The following OTOG variants were observed in gnomAD, a reference collection of about 807,000 sequenced individuals.
OTOG encodes the protein otogelin.
OTOG carries 296 observed loss-of-function variants against 313.8 expected under a neutral mutation model. That is an observed-to-expected ratio of 0.94 (90% confidence interval 0.86 to 1.04). The LOEUF (loss-of-function observed/expected upper bound fraction) is 1.04, where lower values mean the gene tolerates loss of function less well. Among genes scored for constraint, OTOG ranks in the 50% least tolerant of loss-of-function variants. The pLI is 0.00. For synonymous variants in OTOG, 1,533 were observed against 1,554.9 expected (o/e 0.99, Z 0.33); for missense variants, 3,948 against 3,840.1 (o/e 1.03, Z -0.74).
Position 17,552,009 on chromosome 11 carries a change from G to GC in OTOG, c.230dup (p.Asp78ArgfsTer38). On this transcript the variant is annotated frameshift_variant, in exon 4 of 56. Coordinates refer to ENST00000399397, the MANE Select transcript of OTOG (RefSeq NM_001292063.2). LOFTEE classifies it high-confidence loss of function. ...CTCCTGTCTTCACAAGCAGGCTGAA[G>GC]CCCCAGACTCCGTGGCCATGTCTTC... 6.4e-7 allele frequency: 1 copy of GC among 1,550,500 alleles called. No homozygotes were observed. The highest frequency in any genetic ancestry group is 2.0e-5 in the Admixed American group (1 of 51,004).
chr11:17,582,677 A>G (rs1852698393), intron 23 of OTOG, among the ~76,000 whole-genome samples: 1 of 152,230 alleles, frequency 6.6e-6, no homozygotes, highest in African/African-American at 2.4e-5. Flanking sequence ...ACATGGTCCT[A>G]TCTCATTATG....
At chr11:17,625,467 TA>T (rs1214123997) in intron 39 of OTOG, among the ~76,000 whole-genome samples, 1 of 152,216 alleles carries the variant, frequency 6.6e-6, no homozygotes, top group Non-Finnish European at 1.5e-5. Flanking sequence ...TACTGATTTG[TA>T]TATGTTGAAC....
At chr11:17,559,799 AAAAGAAGG>A (rs1852139758) in intron 12 of OTOG, 137 bp downstream of exon 12, 1 of 859,918 alleles carries the variant, frequency 1.2e-6, no homozygotes, top group Non-Finnish European at 1.6e-6. Flanking sequence ...AGGAAGGAAA[AAAAGAAGG>A]AAAGAAGGAA....
In OTOG at chr11:17,645,726, CTGGCCTGCCCGT is replaced by C. The variant is rs1226766847; in HGVS notation, c.8542-16_8542-5del. 12 of 1,550,746 alleles carry C rather than the reference CTGGCCTGCCCGT, an allele frequency of 7.7e-6. No individual in the cohort carries two copies. Among genetic ancestry groups the C allele is most frequent in the Non-Finnish European group, 9.6e-6 (11 of 1,147,062 alleles). On this transcript the variant is annotated splice_region_variant and splice_polypyrimidine_tract_variant and intron_variant, in intron 55 of 55. Transcript: ENST00000399397. Reference sequence around the variant, plus strand: ...GGTGTGAGCACCACAGACTGCCTCACTGGCCTGCCCGTTCCAGGTGAACCTAGTGTCCTGCGA... The same window carrying C: ...GGTGTGAGCACCACAGACTGCCTCACTCCAGGTGAACCTAGTGTCCTGCGA...
chr11:17,570,271 C>A lies in OTOG; in HGVS notation c.1836C>A (p.Gly612=). ...SVFLRVRTNV[G]VRVLYDREGL... ...TCCTGCGGGTGAGGACGAACGTGGG[C>A]GTGCGGGTGCTCTACGACCGTGAAG... is the stretch of plus-strand genomic sequence containing the variant. Residue 612 remains glycine, a synonymous_variant, in exon 17 of 56, where the codon GGC becomes GGA. Transcript: ENST00000399397. 4 of 1,550,830 alleles carry A rather than the reference C, an allele frequency of 2.6e-6. No individual in the cohort carries two copies. The highest frequency in any genetic ancestry group is 3.5e-6 in the Non-Finnish European group (4 of 1,147,042).
Position 17,627,369 on chromosome 11 carries a change from G to T in OTOG, c.6529-1764G>T, listed in dbSNP as rs559262850. ...ATTGAATGCATTTTCAGCATCATTTGAAATGATCATATGGTTTTTTTGTCC... is the reference window on the plus strand; with the variant it reads ...ATTGAATGCATTTTCAGCATCATTTTAAATGATCATATGGTTTTTTTGTCC... On this transcript the variant is annotated intron_variant, in intron 39 of 55. Transcript: ENST00000399397. Among the ~76,000 whole-genome samples the T allele has an allele frequency of 2.1e-3, 324 of 152,136 alleles. 1 individual carries two copies. The highest frequency in any genetic ancestry group is 7.5e-3 in the African/African-American group (313 of 41,532).
At chr11:17,570,518 T>C (rs1852382687) in intron 17 of OTOG, 128 bp downstream of exon 17, 1 of 855,364 alleles carries the variant, frequency 1.2e-6, no homozygotes, top group African/African-American at 1.7e-5. Context: ...CATTAGTTAT[T>C]GATTTCTCTA....
intron 3 of OTOG, among the ~76,000 whole-genome samples, chr11:17,548,416 C>CTTTTTTTT (rs1565085438): frequency 2.2e-5 from 2 of 89,598 alleles, no homozygotes; most frequent in African/African-American, 8.8e-5. Context: ...CTATAGTCCA[C>CTTTTTTTT]TCTTTTTTTT....
At chr11:17,609,604 C>A in intron 35 of OTOG, 51 bp from the exon 36 acceptor site, 1 of 1,417,738 alleles carries the variant, frequency 7.1e-7, no homozygotes, top group Non-Finnish European at 9.4e-7. Flanking sequence ...AGCAATGACC[C>A]CCGGGGCAGC....
chr11:17,557,518 G>T (rs962491535), intron 8 of OTOG, among the ~76,000 whole-genome samples, 195 bp downstream of exon 8: 3 of 152,200 alleles, frequency 2.0e-5, no homozygotes, highest in Non-Finnish European at 2.9e-5. Context: ...GTCAACCCCA[G>T]GTTCCTAATC....
Position 17,611,377 on chromosome 11 carries a change from A to G in OTOG, c.6077A>G (p.Glu2026Gly). The change falls in exon 36 of 56, where the codon GAG becomes GGG. Residue 2026 changes from glutamate (E) to glycine (G), a missense_variant. Transcript: ENST00000399397. ...PALSIVEGLA[E>G]ALATTTEANT... ...CTGAGCATCGTAGAGGGTTTGGCGGAGGCTTTGGCAACTACCACTGAGGCC... is the reference window on the plus strand; with the variant it reads ...CTGAGCATCGTAGAGGGTTTGGCGGGGGCTTTGGCAACTACCACTGAGGCC... The G allele has an allele frequency of 6.5e-7, 1 of 1,542,516 alleles. No homozygotes were observed. Among genetic ancestry groups the G allele is most frequent in the Non-Finnish European group, 8.8e-7 (1 of 1,141,188 alleles).
At chr11:17,590,808 C>T (rs1276815515) in intron 24 of OTOG, among the ~76,000 whole-genome samples, 2 of 152,126 alleles carry the variant, frequency 1.3e-5, no homozygotes, top group Non-Finnish European at 2.9e-5. Flanking sequence ...AGAGACTGTA[C>T]CCTTTATTTG....
In OTOG at chr11:17,633,838, C is replaced by T. The variant is rs990229882; in HGVS notation, c.7231C>T (p.Arg2411Cys). The part of the protein sequence containing the change: ...VCSEGTILHR[R>C]HSALCIPEAK... ...CTCCGAGGGCACCATCTTACACCGG[C>T]GCCACTCTGCACTCTGCATCCCGGA... is the stretch of plus-strand genomic sequence containing the variant. The change falls in exon 43 of 56, where the codon CGC becomes TGC. Residue 2411 changes from arginine (R) to cysteine (C), a missense_variant. Arg to Cys is a radical substitution (Grantham distance 180). Coordinates refer to ENST00000399397, the MANE Select transcript of OTOG (RefSeq NM_001292063.2). 7 of 1,548,430 alleles carry T rather than the reference C, an allele frequency of 4.5e-6. No homozygotes were observed. The Admixed American group carries it at 7.9e-5, about 17-fold the overall frequency.
intron 49 of OTOG, 115 bp from the exon 50 acceptor site, chr11:17,640,630 C>A (rs556396616): frequency 1.5e-4 from 173 of 1,146,484 alleles, no homozygotes; most frequent in South Asian, 3.4e-4. Flanking sequence ...CTGCCAGCCC[C>A]CCTCCTGCCC....
intron 7 of OTOG, among the ~76,000 whole-genome samples, chr11:17,556,172 A>T (rs981864788): frequency 2.6e-5 from 4 of 152,172 alleles, no homozygotes; most frequent in Admixed American, 2.0e-4. Flanking sequence ...TTGAGAGTTT[A>T]TCATGATAAG....
rs577408823 is a variant in OTOG at position 17,576,880 on chromosome 11, T to C, written c.2574T>C (p.Asp858=). The change falls in exon 22 of 56, where the codon GAT becomes GAC. Residue 858 remains aspartate, a synonymous_variant. Coordinates refer to ENST00000399397, the MANE Select transcript of OTOG (RefSeq NM_001292063.2). ...IPSLGHCHCK[D]GVMSCDSRAP... is the part of the protein sequence containing the mutation. ...TCTCTCTCTGCAGCCACTGCAAAGA[T>C]GGAGTCATGAGCTGTGATAGCAGAG... 1.5e-5 allele frequency: 23 copies of C among 1,550,394 alleles called. 1 individual carries two copies. The highest frequency in any genetic ancestry group is 1.7e-4 in the Middle Eastern group (1 of 5,990).
chr11:17,576,492 C>T lies in OTOG; in HGVS notation c.2487-64C>T. On this transcript the variant is annotated intron_variant, in intron 20 of 55. Coordinates refer to ENST00000399397, the MANE Select transcript of OTOG (RefSeq NM_001292063.2). ...GGTTGGCTGAGGGTGGGGTCCCTGT[C>T]CTTGGCAGTCTCTGCCCTAGCTCCT... 23 of 1,376,574 alleles carry T rather than the reference C, an allele frequency of 1.7e-5. No homozygotes were observed. The South Asian group carries it at 2.9e-4, about 17-fold the overall frequency. 85.3% of individuals were successfully genotyped at this position (1,376,574 alleles called of 1,614,324 possible). A position where few individuals can be genotyped will look rare whatever the true frequency, so the allele number is the denominator to read the frequency against.
At chr11:17,562,169 T>C (rs1490345755) in intron 15 of OTOG, among the ~76,000 whole-genome samples, 5 of 139,556 alleles carry the variant, frequency 3.6e-5, no homozygotes, top group Admixed American at 2.4e-4. Context: ...AAACAGTAGG[T>C]GGAGCTTGCA....
At chr11:17,569,032 C>G in intron 15 of OTOG, 124 bp from the exon 16 acceptor site, 2 of 1,167,212 alleles carry the variant, frequency 1.7e-6, no homozygotes, top group East Asian at 2.6e-5. Flanking sequence ...CTTTGGGGCT[C>G]TGTCTGTCAT....
Sources: gnomAD v4.1 joint callset for allele counts (sites outside exome capture counted in the v4.1 genomes callset) on GRCh38, gnomAD v4.1.1 for gene constraint, MANE v1.5 for transcripts, NCBI Gene and HGNC (gene_info 2026-07-23, HGNC 2026-07-21) for gene names.